The following KCNQ5 variants were observed in gnomAD, a reference collection of about 807,000 sequenced individuals.
The protein encoded by KCNQ5 is potassium voltage-gated channel subfamily Q member 5.
KCNQ5 carries 30 observed loss-of-function variants against 98.2 expected under a neutral mutation model. That is an observed-to-expected ratio of 0.31 (90% CI 0.23 to 0.41). KCNQ5 has a LOEUF of 0.41. KCNQ5 is among the 10% of genes least tolerant of loss of function. The pLI is 1.00. For synonymous variants in KCNQ5, 458 were observed against 449.4 expected (o/e 1.02, Z -0.24); for missense variants, 835 against 1,182.5 (o/e 0.71, Z 4.31).
At chr6:73,018,844 A>G (rs1770464914) in intron 2 of KCNQ5, among the ~76,000 whole-genome samples, 2 of 152,198 alleles carry the variant, frequency 1.3e-5, no homozygotes, top group Non-Finnish European at 2.9e-5. Context: ...CTCATATAAT[A>G]GCAGCTCAGC....
At chr6:73,019,827 T>G (rs951875212) in intron 2 of KCNQ5, among the ~76,000 whole-genome samples, 1 of 152,194 alleles carries the variant, frequency 6.6e-6, no homozygotes, top group Non-Finnish European at 1.5e-5. Context: ...CAGTCTGATT[T>G]AATAATTATA....
intron 1 of KCNQ5, among the ~76,000 whole-genome samples, chr6:72,714,899 A>G (rs76951078): frequency 0.013 from 2,034 of 152,316 alleles, 33 homozygotes; most frequent in African/African-American, 0.042. Flanking sequence ...AATTAATGCT[A>G]GAAATTGTTT....
intron 10 of KCNQ5, among the ~76,000 whole-genome samples, chr6:73,147,228 A>G (rs1424632976): frequency 2.0e-5 from 3 of 152,106 alleles, no homozygotes; most frequent in African/African-American, 7.2e-5. Flanking sequence ...AATGTGTGTA[A>G]AATTCTTGTA....
chr6:72,663,616 G>A (rs532252868), intron 1 of KCNQ5, among the ~76,000 whole-genome samples: 2 of 152,272 alleles, frequency 1.3e-5, no homozygotes, highest in South Asian at 2.1e-4. Flanking sequence ...CATAATTTAT[G>A]CTATGTCCAA....
intron 1 of KCNQ5, among the ~76,000 whole-genome samples, chr6:72,706,953 G>T (rs1012557550): frequency 1.3e-5 from 2 of 152,018 alleles, no homozygotes; most frequent in Non-Finnish European, 2.9e-5. Context: ...CATTCTACCA[G>T]TATTATACTT....
chr6:72,647,770 A>G (rs1355294875), intron 1 of KCNQ5, among the ~76,000 whole-genome samples: 5 of 152,292 alleles, frequency 3.3e-5, no homozygotes, highest in South Asian at 2.1e-4. Flanking sequence ...GTAAGTTCCT[A>G]TGGGAATGAC....
chr6:72,977,679 C>T (rs867306437), intron 1 of KCNQ5, among the ~76,000 whole-genome samples: 15 of 152,092 alleles, frequency 9.9e-5, no homozygotes, highest in African/African-American at 3.4e-4. Context: ...AGAGACCTTC[C>T]CTGACCACTT....
chr6:72,838,892 G>A (rs1039004604), intron 1 of KCNQ5, among the ~76,000 whole-genome samples: 5 of 139,952 alleles, frequency 3.6e-5, no homozygotes, highest in Non-Finnish European at 7.6e-5. Context: ...GGAGCTTGCA[G>A]TGAGCCGAGA....
intron 3 of KCNQ5, among the ~76,000 whole-genome samples, chr6:73,067,863 G>GAT (rs71695883): frequency 0.076 from 324 of 4,264 alleles, 1 homozygote; most frequent in African/African-American, 0.079. Flanking sequence ...TTGGACAAAA[G>GAT]ATATATATAT....
At chr6:72,949,193 TA>T (rs1766683044) in intron 1 of KCNQ5, among the ~76,000 whole-genome samples, 1 of 152,204 alleles carries the variant, frequency 6.6e-6, no homozygotes, top group Non-Finnish European at 1.5e-5. Context: ...TCTACAGCAT[TA>T]TATAAATCAT....
intron 6 of KCNQ5, among the ~76,000 whole-genome samples, chr6:73,108,988 C>T (rs572225060): frequency 5.3e-5 from 8 of 152,212 alleles, no homozygotes; most frequent in Non-Finnish European, 1.2e-4. Context: ...ATGTTCAAAG[C>T]TTAAGCCATG....
intron 1 of KCNQ5, among the ~76,000 whole-genome samples, chr6:72,847,186 A>T (rs1466395283): frequency 1.3e-5 from 2 of 151,966 alleles, no homozygotes; most frequent in Non-Finnish European, 2.9e-5. Context: ...TTTCTTTGAG[A>T]TGGAGTTTCA....
intron 1 of KCNQ5, among the ~76,000 whole-genome samples, chr6:72,890,136 A>G (rs1779002584): frequency 7.1e-6 from 1 of 139,874 alleles, no homozygotes; most frequent in Admixed American, 9.0e-5. Context: ...CATAATTGAT[A>G]TATTTAAAAT....
chr6:72,836,150 T>C (rs891188125), intron 1 of KCNQ5, among the ~76,000 whole-genome samples: 1 of 152,198 alleles, frequency 6.6e-6, no homozygotes, highest in African/African-American at 2.4e-5. Flanking sequence ...TCACTAATAA[T>C]ATAATTTTGA....
intron 1 of KCNQ5, among the ~76,000 whole-genome samples, chr6:72,944,949 A>G (rs1766467825): frequency 2.0e-5 from 3 of 152,220 alleles, no homozygotes; most frequent in Admixed American, 2.0e-4. Context: ...GAGGCTTTCA[A>G]ATTCCTGAGG....
chr6:73,103,003 T>A (rs1350681360), intron 5 of KCNQ5, among the ~76,000 whole-genome samples: 1 of 152,160 alleles, frequency 6.6e-6, no homozygotes. Flanking sequence ...ATCTGCACTC[T>A]CATGTTTATT....
Position 73,077,873 on chromosome 6 carries a change from C to T in KCNQ5, c.904C>T (p.Leu302Phe). ...AGAGTTTTCTACATATGCAGATGCT[C>T]TCTGGTGGGGCACAGTAAGTATAAA... ...NKEFSTYADALWWGTITLTTI... is the reference protein window; with the variant it reads ...NKEFSTYADAFWWGTITLTTI... The change falls in exon 5 of 14, where the codon CTC becomes TTC. Residue 302 changes from leucine to phenylalanine, a missense_variant. Around this residue, in one of 10 missense-constraint regions of KCNQ5, gnomAD observed 30 missense variants for 132.9 expected, o/e 0.23. Transcript: ENST00000370398. The T allele has an allele frequency of 6.2e-7, 1 of 1,606,860 alleles. No individual in the cohort carries two copies. The highest frequency in any genetic ancestry group is 8.5e-7 in the Non-Finnish European group (1 of 1,177,130).
In KCNQ5 at chr6:72,979,800, T is replaced by C. The variant is rs535628741; in HGVS notation, c.399-24108T>C. On this transcript the variant is annotated intron_variant, in intron 1 of 13. Transcript: ENST00000370398. ...CCTAGGTTTTCTTCTAGGGTTTTTA[T>C]GGTTTTAGGTCTAACATTTAAGTCT... is the stretch of plus-strand genomic sequence containing the variant. Among the ~76,000 whole-genome samples, 10 of 152,390 alleles carry C rather than the reference T, an allele frequency of 6.6e-5. No homozygotes were observed. The East Asian group carries it at 1.7e-3, about 26-fold the overall frequency.
intron 1 of KCNQ5, among the ~76,000 whole-genome samples, chr6:72,814,578 T>C (rs975026976): frequency 2.6e-5 from 4 of 152,250 alleles, no homozygotes; most frequent in Admixed American, 1.3e-4. Flanking sequence ...CTTTAAATTC[T>C]GTATGGCTTT....
Sources: gnomAD v4.1 joint callset for allele counts (sites outside exome capture counted in the v4.1 genomes callset) on GRCh38, gnomAD v4.1.1 for gene constraint, gnomAD v4.1.1 regional missense constraint, MANE v1.5 for transcripts, NCBI Gene and HGNC (gene_info 2026-07-23, HGNC 2026-07-21) for gene names.